The following SCFD2 variants were observed in gnomAD, a reference collection of about 807,000 sequenced individuals.
SCFD2 encodes sec1 family domain-containing protein 2.
In SCFD2, 54 loss-of-function variants were observed where a neutral mutation model predicts 58.9. That is an observed-to-expected ratio of 0.92 (90% CI 0.74 to 1.15). The LOEUF (loss-of-function observed/expected upper bound fraction) is 1.15. Ranked by LOEUF, SCFD2 falls within the 50% of genes most tolerant of loss-of-function variation. The pLI, the probability that SCFD2 is intolerant of heterozygous loss-of-function variation, is 0.00. For synonymous variants in SCFD2, 321 were observed against 335.9 expected (o/e 0.96, Z 0.49); for missense variants, 805 against 836.6 (o/e 0.96, Z 0.47).
At chr4:52,970,071 T>C (rs1721058849) in intron 5 of SCFD2, among the ~76,000 whole-genome samples, 1 of 152,326 alleles carries the variant, frequency 6.6e-6, no homozygotes, top group African/African-American at 2.4e-5. Flanking sequence ...ACAACTCCAG[T>C]CTACAGCTCC....
intron 2 of SCFD2, among the ~76,000 whole-genome samples, chr4:53,324,599 C>T (rs1421476876): frequency 6.6e-6 from 1 of 152,104 alleles, no homozygotes; most frequent in Non-Finnish European, 1.5e-5. Context: ...AAAACACAGG[C>T]TCATGCCCTT....
chr4:53,103,980 T>A (rs1032198514), intron 5 of SCFD2, among the ~76,000 whole-genome samples: 1 of 150,002 alleles, frequency 6.7e-6, no homozygotes. Context: ...CATACTGATA[T>A]AAATAAATAA....
chr4:53,180,118 C>G (rs1258996806), intron 4 of SCFD2, among the ~76,000 whole-genome samples: 6 of 152,180 alleles, frequency 3.9e-5, no homozygotes, highest in Non-Finnish European at 8.8e-5. Flanking sequence ...CAAGGATACC[C>G]AGGAATTGAA....
At chr4:53,324,781 G>C (rs777427778) in intron 2 of SCFD2, among the ~76,000 whole-genome samples, 3 of 152,144 alleles carry the variant, frequency 2.0e-5, no homozygotes, top group Non-Finnish European at 4.4e-5. Context: ...AGAGGGAAGA[G>C]GGGTGAGTTC....
chr4:53,061,694 C>T (rs1385468931), intron 5 of SCFD2, among the ~76,000 whole-genome samples: 1 of 152,050 alleles, frequency 6.6e-6, no homozygotes, highest in Non-Finnish European at 1.5e-5. Flanking sequence ...GAAACATCAC[C>T]CTATGTGTGA....
At chr4:53,175,066 C>A (rs948393403) in intron 4 of SCFD2, among the ~76,000 whole-genome samples, 1 of 152,158 alleles carries the variant, frequency 6.6e-6, no homozygotes, top group East Asian at 1.9e-4. Flanking sequence ...TTTCTCCCCC[C>A]ACAATGGCTG....
intron 4 of SCFD2, among the ~76,000 whole-genome samples, chr4:53,148,706 CA>C (rs1312895732): frequency 3.3e-5 from 5 of 152,260 alleles, no homozygotes; most frequent in Admixed American, 1.3e-4. Flanking sequence ...GGCTACTTAG[CA>C]AAACATAAAT....
intron 5 of SCFD2, among the ~76,000 whole-genome samples, chr4:53,063,180 T>C (rs549835574): frequency 4.3e-4 from 65 of 152,282 alleles, no homozygotes; most frequent in African/African-American, 1.5e-3. Flanking sequence ...TTCTTCACAA[T>C]TGGAAACAGT....
At chr4:53,117,338 T>C (rs1725353576) in intron 5 of SCFD2, among the ~76,000 whole-genome samples, 1 of 152,172 alleles carries the variant, frequency 6.6e-6, no homozygotes, top group African/African-American at 2.4e-5. Context: ...AAGAGGTGCA[T>C]TCTTGTTCCC....
chr4:53,186,072 T>C (rs1263857348), intron 4 of SCFD2, among the ~76,000 whole-genome samples: 2 of 152,142 alleles, frequency 1.3e-5, no homozygotes, highest in Non-Finnish European at 2.9e-5. Context: ...AACATTGACT[T>C]AGGTCTTGAC....
At chr4:53,215,604 G>T (rs572148370) in intron 4 of SCFD2, among the ~76,000 whole-genome samples, 1 of 152,230 alleles carries the variant, frequency 6.6e-6, no homozygotes, top group East Asian at 1.9e-4. Flanking sequence ...GGGACAATTT[G>T]ACTTCCTCTT....
At chr4:53,199,380 A>C (rs1194851741) in intron 4 of SCFD2, among the ~76,000 whole-genome samples, 1 of 152,110 alleles carries the variant, frequency 6.6e-6, no homozygotes, top group Non-Finnish European at 1.5e-5. Context: ...ACAGAGTATG[A>C]ACTTTGGGTT....
intron 2 of SCFD2, among the ~76,000 whole-genome samples, chr4:53,329,657 GA>G (rs1239891508): frequency 1.3e-5 from 2 of 152,220 alleles, no homozygotes; most frequent in East Asian, 3.8e-4. Flanking sequence ...AAACAGAACA[GA>G]AAAAGTAGAA....
At chr4:53,358,423 C>T (rs906072530) in intron 1 of SCFD2, among the ~76,000 whole-genome samples, 4 of 151,940 alleles carry the variant, frequency 2.6e-5, no homozygotes, top group African/African-American at 9.7e-5. Flanking sequence ...TGGTGGCTTT[C>T]CTGCCTGTAA....
At chr4:53,307,617 G>A (rs1447250022) in intron 3 of SCFD2, among the ~76,000 whole-genome samples, 1 of 152,190 alleles carries the variant, frequency 6.6e-6, no homozygotes. Context: ...AGAACTCCAA[G>A]GTACCAGGGA....
At chr4:53,355,643 A>G (rs73153207) in intron 1 of SCFD2, among the ~76,000 whole-genome samples, 284 of 152,310 alleles carry the variant, frequency 1.9e-3, no homozygotes, top group African/African-American at 6.5e-3. Flanking sequence ...ACTGATTCCC[A>G]TTATACTTTG....
intron 5 of SCFD2, among the ~76,000 whole-genome samples, chr4:52,930,341 C>T (rs372505399): frequency 9.9e-5 from 15 of 152,040 alleles, no homozygotes; most frequent in East Asian, 7.7e-4. Flanking sequence ...TTCCTTATGC[C>T]TTATATGAAA....
chr4:53,233,107 C>T (rs62326404), intron 4 of SCFD2, among the ~76,000 whole-genome samples: 9,989 of 152,156 alleles, frequency 0.066, 363 homozygotes, highest in Middle Eastern at 0.12. Flanking sequence ...GACCTAAATG[C>T]CCTGTGAACA....
intron 8 of SCFD2, among the ~76,000 whole-genome samples, chr4:52,881,416 T>G (rs1718606250): frequency 6.6e-6 from 1 of 152,230 alleles, no homozygotes; most frequent in African/African-American, 2.4e-5. Context: ...CCACTTGTCA[T>G]GAGGTGGTGC....
Sources: gnomAD v4.1 joint callset for allele counts (sites outside exome capture counted in the v4.1 genomes callset) on GRCh38, gnomAD v4.1.1 for gene constraint, MANE v1.5 for transcripts, NCBI Gene and HGNC (gene_info 2026-07-23, HGNC 2026-07-21) for gene names.